Variants in CA10 observed in about 807,000 individuals in gnomAD.
CA10 encodes carbonic anhydrase 10 (inactive).
Under a neutral mutation model 44.2 loss-of-function variants are expected in CA10, and 14 were observed. The observed-to-expected ratio is 0.32, with a 90% confidence interval of 0.21 to 0.50. The LOEUF (loss-of-function observed/expected upper bound fraction) is 0.50. Among genes scored for constraint, CA10 ranks in the 20% least tolerant of loss-of-function variants. The probability of loss-of-function intolerance (pLI) is 0.99; values close to 1 mark genes in which losing one functional copy is unlikely to be tolerated. For synonymous variants in CA10, 159 were observed against 141.6 expected, an observed-to-expected ratio of 1.12 and a Z score of -0.87; for missense variants, 350 against 409.7, an observed-to-expected ratio of 0.85 and a Z score of 1.26.
At chr17:51,656,484 T>C (rs1267893747) in intron 4 of CA10, among the ~76,000 whole-genome samples, 3 of 152,216 alleles carry the variant, frequency 2.0e-5, no homozygotes, top group African/African-American at 7.2e-5. Context: ...TCAGGAGCTT[T>C]GGTTTCTATT....
chr17:51,681,584 C>G (rs952984131), intron 4 of CA10, among the ~76,000 whole-genome samples: 6 of 152,244 alleles, frequency 3.9e-5, no homozygotes, highest in East Asian at 3.9e-4. Flanking sequence ...CATGACAACC[C>G]TAACTGTCTC....
chr17:51,738,697 T>C lies in CA10; in HGVS notation c.465+8936A>G, dbSNP rs572213863. Among the ~76,000 whole-genome samples the C allele has an allele frequency of 2.6e-5, 4 of 152,304 alleles. No individual in the cohort carries two copies. The East Asian group carries it at 7.7e-4, about 29-fold the overall frequency. On this transcript the variant is annotated intron_variant, in intron 4 of 8. Coordinates refer to ENST00000451037, the MANE Select transcript of CA10 (RefSeq NM_020178.5). ...AATAATCTCCCAATGTCTTTGCTGT[T>C]TTGAGGCTGACTCTATAGATGCCCT...
intron 1 of CA10, 92 bp downstream of exon 1, chr17:52,157,634 C>G: frequency 8.4e-7 from 1 of 1,186,358 alleles, no homozygotes; most frequent in South Asian, 1.3e-5. Flanking sequence ...CCACCCCTCT[C>G]TCTGCCCCGC....
chr17:51,821,489 T>A (rs1381041268), intron 3 of CA10, among the ~76,000 whole-genome samples: 1 of 151,974 alleles, frequency 6.6e-6, no homozygotes, highest in South Asian at 2.1e-4. Flanking sequence ...CCGCAGCTGC[T>A]CCCTTGGTCC....
At chr17:51,925,488 G>A (rs1982393197) in intron 3 of CA10, among the ~76,000 whole-genome samples, 1 of 151,348 alleles carries the variant, frequency 6.6e-6, no homozygotes, top group South Asian at 2.1e-4. Flanking sequence ...CTTGTGTGTT[G>A]CTGATGAGAA....
intron 4 of CA10, among the ~76,000 whole-genome samples, chr17:51,724,705 T>A (rs1297221822): frequency 6.6e-6 from 1 of 152,238 alleles, no homozygotes; most frequent in African/African-American, 2.4e-5. Flanking sequence ...GGTTTGCAAC[T>A]GAAAATACAA....
At position 52,157,730 on chromosome 17, in the gene CA10, T is replaced by A. The variant is rs752658560; in HGVS notation, c.57A>T (p.Ile19=). The part of the protein sequence containing the change: ...FLLQANFIVC[I]SAQQNSPKIH... Reference sequence around the variant, plus strand: ...TGACTTCGGCGCGTCCCGTACCTGATATGCAGACGATGAAATTGGCTTGAA... The same window carrying A: ...TGACTTCGGCGCGTCCCGTACCTGAAATGCAGACGATGAAATTGGCTTGAA... Residue 19 remains isoleucine (I), a synonymous_variant, in exon 1 of 9, where the codon ATA becomes ATT. Transcript: ENST00000451037. 2 of 1,613,892 alleles carry A rather than the reference T, an allele frequency of 1.2e-6. No individual in the cohort carries two copies. Among genetic ancestry groups the A allele is most frequent in the Non-Finnish European group, 1.7e-6 (2 of 1,179,816 alleles).
At chr17:51,908,930 A>G (rs1981676471) in intron 3 of CA10, among the ~76,000 whole-genome samples, 1 of 152,150 alleles carries the variant, frequency 6.6e-6, no homozygotes, top group Non-Finnish European at 1.5e-5. Flanking sequence ...CGACACAAAG[A>G]CATTAGTAAA....
intron 4 of CA10, among the ~76,000 whole-genome samples, chr17:51,725,055 G>A (rs142202874): frequency 1.1e-4 from 16 of 152,300 alleles, no homozygotes; most frequent in African/African-American, 3.4e-4. Context: ...TTCACAAATA[G>A]TCAGCCTGAG....
intron 1 of CA10, among the ~76,000 whole-genome samples, chr17:52,095,772 C>A (rs1988387060): frequency 6.6e-6 from 1 of 152,128 alleles, no homozygotes; most frequent in Non-Finnish European, 1.5e-5. Flanking sequence ...TCTCTTTCTG[C>A]TCCTCACTCC....
chr17:51,899,810 A>AT (rs1309837566), intron 3 of CA10, among the ~76,000 whole-genome samples: 3 of 150,712 alleles, frequency 2.0e-5, no homozygotes, highest in Admixed American at 1.3e-4. Flanking sequence ...CCTTCTTTGT[A>AT]TTTTTTGATT....
In CA10 at chr17:52,072,389, T is replaced by C. The variant is rs1432471118; in HGVS notation, c.66A>G (p.Gln22=). The stretch of plus-strand genomic sequence containing the variant: ...CTTCATGGATTTTTGGTGAATTCTG[T>C]TGAGCTAAAGGAAAAGCAAAGAAGA... ...QANFIVCISA[Q]QNSPKIHEGW... is the part of the protein sequence containing the mutation. Residue 22 remains glutamine (Q), a synonymous_variant, in exon 2 of 9, where the codon CAA becomes CAG. Coordinates refer to ENST00000451037, the MANE Select transcript of CA10 (RefSeq NM_020178.5). 11 of 1,612,464 alleles carry C rather than the reference T, an allele frequency of 6.8e-6. No homozygotes were observed. Among genetic ancestry groups the C allele is most frequent in the Non-Finnish European group, 9.3e-6 (11 of 1,178,682 alleles).
At chr17:52,023,364 T>C (rs1450284166) in intron 2 of CA10, among the ~76,000 whole-genome samples, 15 of 152,112 alleles carry the variant, frequency 9.9e-5, no homozygotes, top group Admixed American at 9.2e-4. Flanking sequence ...AAATAAGCAA[T>C]GAGGAAAGGA....
chr17:51,940,384 C>T (rs185182840), intron 2 of CA10, among the ~76,000 whole-genome samples: 37 of 152,222 alleles, frequency 2.4e-4, no homozygotes, highest in Admixed American at 2.4e-3. Context: ...AACACCCAAG[C>T]TCCACGGAAA....
chr17:51,906,855 C>T (rs1300473591), intron 3 of CA10, among the ~76,000 whole-genome samples: 5 of 152,092 alleles, frequency 3.3e-5, no homozygotes, highest in South Asian at 2.1e-4. Flanking sequence ...GCTTGCCCTA[C>T]GTTTGAAACA....
At chr17:52,133,052 G>A (rs748631565) in intron 1 of CA10, among the ~76,000 whole-genome samples, 1 of 152,198 alleles carries the variant, frequency 6.6e-6, no homozygotes, top group African/African-American at 2.4e-5. Context: ...GAAAAGCTGG[G>A]AGTTGGGCTG....
intron 3 of CA10, among the ~76,000 whole-genome samples, chr17:51,844,288 G>A (rs1340346622): frequency 6.6e-6 from 1 of 152,132 alleles, no homozygotes; most frequent in Non-Finnish European, 1.5e-5. Context: ...TTTTTGTGAT[G>A]TTGAGAAAGT....
chr17:51,820,282 G>A (rs1326522022), intron 3 of CA10, among the ~76,000 whole-genome samples: 1 of 141,460 alleles, frequency 7.1e-6, no homozygotes, highest in African/African-American at 2.7e-5. Flanking sequence ...CTTTTCTTGT[G>A]CATGTACAGT....
chr17:52,045,553 G>A (rs1336763685), intron 2 of CA10, among the ~76,000 whole-genome samples: 1 of 151,924 alleles, frequency 6.6e-6, no homozygotes, highest in East Asian at 1.9e-4. Context: ...GAGGGCAATG[G>A]AACTATACTG....
Sources: allele counts gnomAD v4.1 joint callset (sites outside exome capture counted in the v4.1 genomes callset), GRCh38; gene constraint gnomAD v4.1.1; transcripts MANE v1.5; gene names NCBI Gene and HGNC (gene_info 2026-07-23, HGNC 2026-07-21).